The following FRMD3 variants were observed in gnomAD, a reference collection of about 807,000 sequenced individuals.
The protein encoded by FRMD3 is FERM domain containing 3.
A neutral mutation model predicts 70.2 loss-of-function variants in FRMD3; 33 were observed. The observed-to-expected ratio is 0.47, with a 90% CI of 0.36 to 0.63. FRMD3 has a LOEUF of 0.63. Ranked by LOEUF, FRMD3 falls within the 20% of genes least tolerant of loss-of-function variation. FRMD3 has a pLI of 0.00. For missense variants in FRMD3, 632 were observed against 711.4 expected (o/e 0.89, Z 1.27); for synonymous variants, 279 against 255.9 (o/e 1.09, Z -0.86).
chr9:83,375,938 C>T lies in FRMD3; in HGVS notation c.253-2983G>A, dbSNP rs537701888. Reference sequence around the variant, plus strand: ...ATTTTGGGAGGCCAAGGTGGGTGGACCGCCTGAGGTCAGGAGTTCGAGACC... The same window carrying T: ...ATTTTGGGAGGCCAAGGTGGGTGGATCGCCTGAGGTCAGGAGTTCGAGACC... On this transcript the variant is annotated intron_variant, in intron 2 of 13. Transcript: ENST00000304195. Among the ~76,000 whole-genome samples, 70 of 152,076 alleles carry T rather than the reference C, an allele frequency of 4.6e-4. 1 individual carries two copies. Among genetic ancestry groups the T allele is most frequent in the African/African-American group, 1.6e-3 (68 of 41,490 alleles).
intron 1 of FRMD3, among the ~76,000 whole-genome samples, chr9:83,403,729 G>T (rs181637707): frequency 6.6e-6 from 1 of 152,204 alleles, no homozygotes; most frequent in Non-Finnish European, 1.5e-5. Context: ...ATAAATGAGG[G>T]CCTGTGCTAA....
chr9:83,286,161 A>T (rs1834200584), intron 13 of FRMD3, among the ~76,000 whole-genome samples: 1 of 152,122 alleles, frequency 6.6e-6, no homozygotes, highest in African/African-American at 2.4e-5. Context: ...TTGTCTGATA[A>T]ATGGGTGGTC....
At chr9:83,536,202 C>A (rs551505426) in intron 1 of FRMD3, among the ~76,000 whole-genome samples, 2 of 152,266 alleles carry the variant, frequency 1.3e-5, no homozygotes, top group South Asian at 4.1e-4. Flanking sequence ...AACATTTTAA[C>A]CTCTTTGGCA....
At chr9:83,378,826 T>C (rs13292680) in intron 2 of FRMD3, among the ~76,000 whole-genome samples, 55,621 of 126,888 alleles carry the variant, frequency 0.44, 12,559 homozygotes, top group Admixed American at 0.51. Flanking sequence ...AAATTTTATA[T>C]AAATATATAT....
chr9:83,307,830 A>G (rs1000037327), intron 10 of FRMD3, among the ~76,000 whole-genome samples: 3 of 152,162 alleles, frequency 2.0e-5, no homozygotes, highest in Non-Finnish European at 4.4e-5. Flanking sequence ...CATTTAAAAA[A>G]TTTTTTTTAA....
chr9:83,410,201 G>A (rs1316435343), intron 1 of FRMD3, among the ~76,000 whole-genome samples: 2 of 152,026 alleles, frequency 1.3e-5, no homozygotes, highest in Non-Finnish European at 2.9e-5. Flanking sequence ...TTTGTTACCC[G>A]GGAATACCGC....
intron 4 of FRMD3, among the ~76,000 whole-genome samples, chr9:83,346,555 T>C (rs1823971017): frequency 6.6e-6 from 1 of 152,210 alleles, no homozygotes; most frequent in Non-Finnish European, 1.5e-5. Context: ...AAGAGAATAC[T>C]GGATGACCAC....
intron 13 of FRMD3, among the ~76,000 whole-genome samples, chr9:83,272,637 CTG>C: frequency 1.0e-5 from 1 of 98,786 alleles, no homozygotes; most frequent in Non-Finnish European, 2.1e-5. Context: ...CTCTGCCCGG[CTG>C]CCCAGTCTGG....
rs375637905 is a variant in FRMD3 at position 83,314,472 on chromosome 9, CAGAGA to C, written c.597-730_597-726del. ...TATTTATGTAATTCTAGCAACCAAG[CAGAGA>C]AAACAACAGGAATTCATTTTATTTT... On this transcript the variant is annotated intron_variant, in intron 6 of 13. Coordinates refer to ENST00000304195, the MANE Select transcript of FRMD3 (RefSeq NM_174938.6). 1.2e-3 allele frequency among the ~76,000 whole-genome samples: 183 copies of C among 152,258 alleles called. 2 individuals carry two copies. The highest frequency in any genetic ancestry group is 3.9e-3 in the African/African-American group (163 of 41,552).
chr9:83,474,440 T>G (rs753502900), intron 1 of FRMD3, among the ~76,000 whole-genome samples: 6 of 152,112 alleles, frequency 3.9e-5, no homozygotes, highest in Non-Finnish European at 8.8e-5. Flanking sequence ...CAAAAAGTTA[T>G]GAAAAATCAA....
chr9:83,575,559 T>C, the FRMD3 span, among the ~76,000 whole-genome samples: 4 of 152,112 alleles, frequency 2.6e-5, no homozygotes, highest in African/African-American at 7.2e-5. Flanking sequence ...CACTATAAAC[T>C]ATGGAGAATG....
chr9:83,283,258 C>T (rs1452147149), intron 13 of FRMD3, among the ~76,000 whole-genome samples: 2 of 152,062 alleles, frequency 1.3e-5, no homozygotes, highest in African/African-American at 2.4e-5. Flanking sequence ...TGGCCGGGCG[C>T]GGTGGTTCAC....
chr9:83,513,781 CT>C (rs1220937890), intron 1 of FRMD3, among the ~76,000 whole-genome samples: 1 of 152,138 alleles, frequency 6.6e-6, no homozygotes, highest in Non-Finnish European at 1.5e-5. Context: ...CTCATTGGAA[CT>C]GGTTAGACAG....
intron 12 of FRMD3, among the ~76,000 whole-genome samples, chr9:83,295,022 A>G (rs918568941): frequency 3.2e-4 from 49 of 152,224 alleles, no homozygotes; most frequent in African/African-American, 1.1e-3. Context: ...TCCATCTATC[A>G]GATGACTCTG....
chr9:83,328,232 T>C (rs886571008), intron 6 of FRMD3, among the ~76,000 whole-genome samples: 1 of 150,904 alleles, frequency 6.6e-6, no homozygotes, highest in African/African-American at 2.4e-5. Flanking sequence ...AGAAGGTAAG[T>C]TGGCAGAGCA....
At chr9:83,333,899 A>C (rs1199355936) in intron 6 of FRMD3, among the ~76,000 whole-genome samples, 2 of 152,140 alleles carry the variant, frequency 1.3e-5, no homozygotes, top group African/African-American at 4.8e-5. Context: ...AATAGCGCCC[A>C]TCTAATAGAG....
intron 12 of FRMD3, among the ~76,000 whole-genome samples, chr9:83,293,639 C>T (rs1886126): frequency 0.54 from 82,693 of 152,046 alleles, 23,334 homozygotes; most frequent in South Asian, 0.74. Flanking sequence ...ACAGGCTGGG[C>T]TCACCAGGCT....
At chr9:83,577,363 G>T in the FRMD3 span, among the ~76,000 whole-genome samples, 3 of 152,042 alleles carry the variant, frequency 2.0e-5, no homozygotes, top group Admixed American at 2.0e-4. Flanking sequence ...GAATAGACAT[G>T]TAGATCCATA....
downstream of FRMD3, among the ~76,000 whole-genome samples, chr9:83,244,098 A>T (rs11139993): frequency 0.21 from 32,069 of 151,238 alleles, 3,663 homozygotes; most frequent in Admixed American, 0.26. Flanking sequence ...ATTGCACTCC[A>T]GCCTGGGCAA....
Sources: gnomAD v4.1 joint callset for allele counts (sites outside exome capture counted in the v4.1 genomes callset) on GRCh38, gnomAD v4.1.1 for gene constraint, MANE v1.5 for transcripts, NCBI Gene and HGNC (gene_info 2026-07-23, HGNC 2026-07-21) for gene names.